The following PTPRM variants were observed in gnomAD, a reference collection of about 807,000 sequenced individuals.
PTPRM encodes receptor-type tyrosine-protein phosphatase mu.
In PTPRM, 47 loss-of-function variants were observed where a neutral mutation model predicts 186.7. The observed-to-expected ratio is 0.25, with a 90% CI of 0.20 to 0.32. PTPRM has a LOEUF of 0.32. Among genes scored for constraint, PTPRM ranks in the 10% least tolerant of loss-of-function variants. The probability of loss-of-function intolerance (pLI) is 1.00; values close to 1 mark genes in which losing one functional copy is unlikely to be tolerated. For synonymous variants in PTPRM, 668 were observed against 674.9 expected (o/e 0.99, Z 0.16); for missense variants, 1,494 against 1,865.0 (o/e 0.80, Z 3.66).
At chr18:7,610,372 A>AT (rs902524371) in intron 1 of PTPRM, among the ~76,000 whole-genome samples, 132 of 149,066 alleles carry the variant, frequency 8.9e-4, no homozygotes, top group East Asian at 2.2e-3. Context: ...CCGTTTTAGA[A>AT]TTTTTTTTTT....
chr18:7,650,877 A>G (rs990945701), intron 1 of PTPRM, among the ~76,000 whole-genome samples: 17 of 152,308 alleles, frequency 1.1e-4, no homozygotes, highest in South Asian at 1.0e-3. Context: ...AATGGATCAT[A>G]AACTCAATGT....
chr18:8,228,583 C>T (rs886722248), intron 14 of PTPRM, among the ~76,000 whole-genome samples: 1 of 151,760 alleles, frequency 6.6e-6, no homozygotes, highest in African/African-American at 2.4e-5. Flanking sequence ...TGGCTCACAC[C>T]TGTAATCCCA....
chr18:8,031,223 T>C (rs887771164), intron 7 of PTPRM, among the ~76,000 whole-genome samples: 1 of 152,208 alleles, frequency 6.6e-6, no homozygotes, highest in Non-Finnish European at 1.5e-5. Flanking sequence ...AGATAACTGA[T>C]GTAACCTACT....
At chr18:8,376,794 G>T in intron 26 of PTPRM, 197 bp downstream of exon 26, 1 of 638,660 alleles carries the variant, frequency 1.6e-6, no homozygotes, top group South Asian at 2.9e-5. Flanking sequence ...AACAAACCCA[G>T]GAGTTTTCCA....
Position 7,888,257 on chromosome 18 carries a change from C to A in PTPRM, c.348C>A (p.Val116=), listed in dbSNP as rs763159190. The A allele has an allele frequency of 3.1e-6, 5 of 1,614,098 alleles. No individual in the cohort carries two copies. Among genetic ancestry groups the A allele is most frequent in the Non-Finnish European group, 4.2e-6 (5 of 1,180,004 alleles). The change falls in exon 3 of 33, where the codon GTC becomes GTA. Residue 116 remains valine, a synonymous_variant. Transcript: ENST00000580170. The part of the protein sequence containing the change: ...KSNSPPGLLN[V]YVKVNNGPLG... Reference sequence around the variant, plus strand: ...ATTCTCCTCCGGGGTTACTCAATGTCTACGTGAAGGTCAATAACGGGCCAC... The same window carrying A: ...ATTCTCCTCCGGGGTTACTCAATGTATACGTGAAGGTCAATAACGGGCCAC...
chr18:7,692,922 A>G (rs2039765226), intron 1 of PTPRM, among the ~76,000 whole-genome samples: 1 of 152,230 alleles, frequency 6.6e-6, no homozygotes, highest in Non-Finnish European at 1.5e-5. Context: ...GAGAGAGTTC[A>G]AGAACAAAAC....
At chr18:7,826,986 C>A (rs935992026) in intron 2 of PTPRM, among the ~76,000 whole-genome samples, 1 of 152,014 alleles carries the variant, frequency 6.6e-6, no homozygotes, top group South Asian at 2.1e-4. Context: ...CCTATAATCC[C>A]AGGTACTTGG....
chr18:7,853,389 T>G (rs2046957215), intron 2 of PTPRM, among the ~76,000 whole-genome samples: 1 of 152,164 alleles, frequency 6.6e-6, no homozygotes, highest in African/African-American at 2.4e-5. Context: ...GTGCTAGGTG[T>G]CCTCCCTTGG....
intron 2 of PTPRM, among the ~76,000 whole-genome samples, chr18:7,788,749 A>G (rs1168184025): frequency 6.6e-6 from 1 of 152,220 alleles, no homozygotes; most frequent in Non-Finnish European, 1.5e-5. Flanking sequence ...CAACATATTT[A>G]TTTCCTAAGA....
At chr18:8,144,739 G>A (rs1168408671) in intron 14 of PTPRM, among the ~76,000 whole-genome samples, 2 of 152,158 alleles carry the variant, frequency 1.3e-5, no homozygotes, top group Non-Finnish European at 2.9e-5. Context: ...GTGGAAACAA[G>A]CAAAAACTTG....
Position 7,800,634 on chromosome 18 carries a change from T to C in PTPRM, c.196+26363T>C, listed in dbSNP as rs79601684. On this transcript the variant is annotated intron_variant, in intron 2 of 32. Coordinates refer to ENST00000580170, the MANE Select transcript of PTPRM (RefSeq NM_001105244.2). ...AAAGAAGTAATCCAAATCTTAGTTATCCAATTTAAAGGTTACAGTTGGTCA... is the reference window on the plus strand; with the variant it reads ...AAAGAAGTAATCCAAATCTTAGTTACCCAATTTAAAGGTTACAGTTGGTCA... Among the ~76,000 whole-genome samples the C allele has an allele frequency of 1.3e-3, 192 of 152,300 alleles. 3 individuals carry two copies. In the East Asian group the frequency reaches 0.033, roughly 26 times the overall value.
intron 3 of PTPRM, among the ~76,000 whole-genome samples, chr18:7,905,253 A>G (rs893022050): frequency 3.3e-5 from 5 of 152,124 alleles, no homozygotes; most frequent in African/African-American, 1.2e-4. Context: ...TCGGCCTCCC[A>G]AAGTGCTGGG....
At position 7,894,900 on chromosome 18, in the gene PTPRM, C is replaced by G. The variant is rs559871097; in HGVS notation, c.468+6523C>G. ...AATTCTAAAATATTAATATAAGTTT[C>G]ATGTATACTTGAAATATTTATGTGT... On this transcript the variant is annotated intron_variant, in intron 3 of 32. Coordinates refer to ENST00000580170, the MANE Select transcript of PTPRM (RefSeq NM_001105244.2). Among the ~76,000 whole-genome samples the G allele has an allele frequency of 8.5e-5, 13 of 152,242 alleles. No individual in the cohort carries two copies. The South Asian group carries it at 2.7e-3, about 32-fold the overall frequency.
chr18:7,709,990 C>A (rs1306414369), intron 1 of PTPRM, among the ~76,000 whole-genome samples: 1 of 152,184 alleles, frequency 6.6e-6, no homozygotes, highest in Admixed American at 6.5e-5. Context: ...AAATTGGTAT[C>A]AGTCCTACTG....
chr18:7,895,934 AT>A (rs955371725), intron 3 of PTPRM, among the ~76,000 whole-genome samples: 2 of 152,180 alleles, frequency 1.3e-5, no homozygotes, highest in Non-Finnish European at 2.9e-5. Context: ...CACAGTAGTC[AT>A]TTTGTGTAGT....
chr18:7,752,307 T>G lies in PTPRM; in HGVS notation c.74-21842T>G, dbSNP rs544298029. On this transcript the variant is annotated intron_variant, in intron 1 of 32. Coordinates refer to ENST00000580170, the MANE Select transcript of PTPRM (RefSeq NM_001105244.2). Reference sequence around the variant, plus strand: ...TCTGAATGTCATTTGAGCTTATTCTTTATGACATTCTAGAAAAGTATGTAT... The same window carrying G: ...TCTGAATGTCATTTGAGCTTATTCTGTATGACATTCTAGAAAAGTATGTAT... Among the ~76,000 whole-genome samples, 5 of 152,374 alleles carry G rather than the reference T, an allele frequency of 3.3e-5. No individual in the cohort carries two copies. In the East Asian group the frequency reaches 9.6e-4, roughly 29 times the overall value.
At chr18:8,004,693 A>C (rs58779547) in intron 7 of PTPRM, among the ~76,000 whole-genome samples, 1,998 of 152,110 alleles carry the variant, frequency 0.013, 49 homozygotes, top group African/African-American at 0.046. Flanking sequence ...ATGGCAAAAA[A>C]CACAATTACT....
chr18:7,711,715 G>A (rs2040217232), intron 1 of PTPRM, among the ~76,000 whole-genome samples: 1 of 152,160 alleles, frequency 6.6e-6, no homozygotes, highest in African/African-American at 2.4e-5. Context: ...CAAAGCCTGG[G>A]GGAAGTTCCA....
intron 14 of PTPRM, among the ~76,000 whole-genome samples, chr18:8,152,712 C>CTTTTTTTTTTTTTTTTTT (rs35112154): frequency 1.8e-5 from 1 of 56,928 alleles, no homozygotes; most frequent in Non-Finnish European, 2.9e-5. Flanking sequence ...TGCCTCACCT[C>CTTTTTTTTTTTTTTTTTT]TTTTTTTTTT....
Sources: allele counts gnomAD v4.1 joint callset (sites outside exome capture counted in the v4.1 genomes callset), GRCh38; gene constraint gnomAD v4.1.1; transcripts MANE v1.5; gene names NCBI Gene and HGNC (gene_info 2026-07-23, HGNC 2026-07-21).